Variants in ALDH2 observed in about 807,000 individuals in gnomAD.
ALDH2 encodes the protein aldehyde dehydrogenase 2 family member.
A neutral mutation model predicts 59.6 loss-of-function variants in ALDH2; 44 were observed. The ratio of observed to expected loss-of-function variants is 0.74; its 90% CI spans 0.58 to 0.95. ALDH2 has a LOEUF of 0.95. ALDH2 is among the 40% of genes least tolerant of loss of function. ALDH2 has a pLI of 0.00. For synonymous variants in ALDH2, 291 were observed against 284.0 expected (o/e 1.02, Z -0.25); for missense variants, 570 against 696.3 (o/e 0.82, Z 2.04).
At chr12:111,791,935 A>G (rs2068362954) in intron 7 of ALDH2, 126 bp from the exon 8 acceptor site, 1 of 687,902 alleles carries the variant, frequency 1.5e-6, no homozygotes, top group Non-Finnish European at 2.6e-6. Flanking sequence ...ATTTGGTGAA[A>G]TTCTCTAGGT....
intron 3 of ALDH2, among the ~76,000 whole-genome samples, chr12:111,784,065 C>T (rs933150199): frequency 5.3e-5 from 8 of 152,204 alleles, no homozygotes; most frequent in Non-Finnish European, 4.4e-5. Context: ...TGCTCTTATC[C>T]CTGCATGGCA....
intron 10 of ALDH2, 60 bp downstream of exon 10, chr12:111,798,302 C>T: frequency 6.7e-7 from 1 of 1,495,642 alleles, no homozygotes; most frequent in Non-Finnish European, 8.9e-7. Flanking sequence ...GTAAACAGTT[C>T]AGCCTGGCAT....
chr12:111,800,653 T>C (rs1255225136), intron 11 of ALDH2, among the ~76,000 whole-genome samples: 2 of 152,116 alleles, frequency 1.3e-5, no homozygotes, highest in Non-Finnish European at 2.9e-5. Context: ...GGCTGGGCTA[T>C]ATGTATATAT....
chr12:111,805,268 C>T (rs2068485119), intron 12 of ALDH2, among the ~76,000 whole-genome samples: 1 of 152,020 alleles, frequency 6.6e-6, no homozygotes, highest in South Asian at 2.1e-4. Context: ...CCTGTAGTCC[C>T]AGCTACTCGG....
intron 1 of ALDH2, among the ~76,000 whole-genome samples, chr12:111,777,958 T>C (rs1198796267): frequency 6.6e-6 from 1 of 152,168 alleles, no homozygotes; most frequent in Non-Finnish European, 1.5e-5. Context: ...CCAAGAGCCT[T>C]TCCTGTGGGT....
intron 1 of ALDH2, among the ~76,000 whole-genome samples, chr12:111,768,484 G>A (rs1244266525): frequency 1.3e-5 from 2 of 152,264 alleles, no homozygotes. Context: ...TAAAAAGGCA[G>A]CAGCTATGGC....
chr12:111,768,916 C>T (rs538360704), intron 1 of ALDH2, among the ~76,000 whole-genome samples: 2 of 152,276 alleles, frequency 1.3e-5, no homozygotes, highest in Admixed American at 6.5e-5. Context: ...CCTAGGAGTT[C>T]GAGGCTGCAG....
At chr12:111,806,015 CAA>C (rs1268962123) in intron 12 of ALDH2, among the ~76,000 whole-genome samples, 3 of 114,006 alleles carry the variant, frequency 2.6e-5, no homozygotes, top group African/African-American at 3.3e-5. Context: ...GAGTGAGACT[CAA>C]AAAAAAAAAA....
At chr12:111,801,771 A>C (rs1041076526) in intron 11 of ALDH2, among the ~76,000 whole-genome samples, 1 of 152,040 alleles carries the variant, frequency 6.6e-6, no homozygotes, top group Admixed American at 6.6e-5. Context: ...AATATCTAGA[A>C]TAGGCGAATC....
chr12:111,777,658 C>T (rs2068242899), intron 1 of ALDH2, among the ~76,000 whole-genome samples: 1 of 152,190 alleles, frequency 6.6e-6, no homozygotes, highest in Admixed American at 6.5e-5. Flanking sequence ...CCTTCTCCTC[C>T]ACGGGCACCC....
At position 111,767,040 on chromosome 12, in the gene ALDH2, G is replaced by A. The variant is rs1002692747; in HGVS notation, c.58G>A (p.Ala20Thr). ...PRLGRRLLSAAATQAVPAPNQ... is the reference protein window; with the variant it reads ...PRLGRRLLSATATQAVPAPNQ... Reference sequence around the variant, plus strand: ...CCTGGGCCGCCGCCTCTTGTCAGCCGCCGCCACCCAGGCCGTGCCTGCCCC... The same window carrying A: ...CCTGGGCCGCCGCCTCTTGTCAGCCACCGCCACCCAGGCCGTGCCTGCCCC... The change falls in exon 1 of 13, where the codon GCC becomes ACC. Residue 20 changes from alanine to threonine, a missense_variant. By Grantham distance (58) the Ala-to-Thr change is moderately conservative. Coordinates refer to ENST00000261733, the MANE Select transcript of ALDH2 (RefSeq NM_000690.4). The A allele has an allele frequency of 2.0e-6, 3 of 1,526,812 alleles. No individual in the cohort carries two copies. Among genetic ancestry groups the A allele is most frequent in the East Asian group, 2.5e-5 (1 of 39,226 alleles). The allele number at this position is 1,526,812 out of a possible 1,614,324, so 94.6% of individuals were successfully genotyped here.
chr12:111,791,059 CA>C (rs2068354893), intron 6 of ALDH2, among the ~76,000 whole-genome samples: 1 of 152,106 alleles, frequency 6.6e-6, no homozygotes, highest in South Asian at 2.1e-4. Flanking sequence ...AAAAAACAAA[CA>C]AAAACCCACT....
chr12:111,790,439 T>C lies in ALDH2; in HGVS notation c.558T>C (p.Asn186=). 5 of 1,614,116 alleles carry C rather than the reference T, an allele frequency of 3.1e-6. 1 individual carries two copies. Among genetic ancestry groups the C allele is most frequent in the Non-Finnish European group, 3.4e-6 (4 of 1,180,026 alleles). Residue 186 remains asparagine (N), a synonymous_variant, in exon 6 of 13, where the codon AAT becomes AAC. Transcript: ENST00000261733. ...VGVCGQIIPW[N]FPLLMQAWKL... is the part of the protein sequence containing the mutation. The stretch of plus-strand genomic sequence containing the variant: ...GCTGCTGTTGTTTGTTGCAGTGGAA[T>C]TTCCCGCTCCTGATGCAAGCATGGA...
chr12:111,807,152 A>G (rs2068502041), intron 12 of ALDH2, among the ~76,000 whole-genome samples: 1 of 151,378 alleles, frequency 6.6e-6, no homozygotes, highest in East Asian at 1.9e-4. Flanking sequence ...AATCCCAGCT[A>G]CTTGGGAGGC....
chr12:111,793,732 C>T (rs537105929), intron 9 of ALDH2, among the ~76,000 whole-genome samples: 26 of 151,382 alleles, frequency 1.7e-4, no homozygotes, highest in Middle Eastern at 6.8e-3. Context: ...ACTACAGGTG[C>T]GCACCACCAC....
chr12:111,789,682 T>C, intron 4 of ALDH2, 141 bp from the exon 5 acceptor site: 1 of 708,498 alleles, frequency 1.4e-6, no homozygotes, highest in Non-Finnish European at 2.4e-6. Flanking sequence ...TGCAGTCACT[T>C]GTCTCTCTCT....
chr12:111,785,399 A>ACG, intron 4 of ALDH2, 53 bp downstream of exon 4: 1 of 1,491,880 alleles, frequency 6.7e-7, no homozygotes, highest in South Asian at 1.1e-5. Flanking sequence ...AGGGGAGGCA[A>ACG]CGTTGTTAGG....
chr12:111,767,599 G>A (rs2068168554), intron 1 of ALDH2, among the ~76,000 whole-genome samples: 1 of 152,196 alleles, frequency 6.6e-6, no homozygotes, highest in Non-Finnish European at 1.5e-5. Flanking sequence ...GCCACGCTCG[G>A]CTGCTTCCAT....
chr12:111,781,887 G>T (rs2068274580), intron 1 of ALDH2, 31 bp from the exon 2 acceptor site: 1 of 1,535,756 alleles, frequency 6.5e-7, no homozygotes, highest in South Asian at 1.1e-5. Context: ...TTGACAGCTG[G>T]TCCTGAGAAC....
Sources: allele counts gnomAD v4.1 joint callset (sites outside exome capture counted in the v4.1 genomes callset), GRCh38; gene constraint gnomAD v4.1.1; transcripts MANE v1.5; gene names NCBI Gene and HGNC (gene_info 2026-07-23, HGNC 2026-07-21).